Variants in ATP10A observed in about 807,000 individuals in gnomAD.
ATP10A encodes the protein ATPase phospholipid transporting 10A (putative).
ATP10A carries 111 observed loss-of-function variants against 147.8 expected under a neutral mutation model. The observed-to-expected ratio is 0.75, with a 90% CI of 0.64 to 0.88. ATP10A has a LOEUF of 0.88. Among genes scored for constraint, ATP10A ranks in the 40% least tolerant of loss-of-function variants. The pLI, the probability that ATP10A is intolerant of heterozygous loss-of-function variation, is 0.00. For synonymous variants in ATP10A, 875 were observed against 841.6 expected (o/e 1.04, Z -0.69); for missense variants, 1,927 against 1,959.0 (o/e 0.98, Z 0.31).
At chr15:25,677,672 G>A (rs1899166351), downstream of ATP10A, 1 of 152,368 alleles carries the variant, frequency 6.6e-6, no homozygotes, top group Non-Finnish European at 1.5e-5. Context: ...GCAGGGTTGG[G>A]ACGGCTGTCA....
downstream of ATP10A, chr15:25,677,139 C>T (rs1899154490): frequency 6.6e-6 from 1 of 151,972 alleles, no homozygotes; most frequent in Admixed American, 6.6e-5. Flanking sequence ...TATTTTGTTA[C>T]CAAGCCTCAG....
At position 25,862,682 on chromosome 15, in the gene ATP10A, T is replaced by C. The variant is rs574175286; in HGVS notation, c.415A>G (p.Lys139Glu). 3.7e-6 allele frequency: 6 copies of C among 1,601,570 alleles called. No homozygotes were observed. The highest frequency in any genetic ancestry group is 5.1e-6 in the Non-Finnish European group (6 of 1,171,914). ...ACCAGGCAGCCCAGGTGGTTGATCT[T>C]GTGGTCGGAGCGGTGGCGGCTGTAG... ...EDYSRHRSDH[K>E]INHLGCLVFS... Residue 139 changes from lysine (K) to glutamate (E), a missense_variant, in exon 1 of 21, where the codon AAG (lysine) becomes GAG (glutamate). Coordinates refer to ENST00000555815, the MANE Select transcript of ATP10A (RefSeq NM_024490.4).
chr15:25,720,545 T>G (rs1902149825), intron 7 of ATP10A, among the ~76,000 whole-genome samples: 1 of 151,850 alleles, frequency 6.6e-6, no homozygotes, highest in African/African-American at 2.4e-5. Context: ...TGTACCAGGT[T>G]TAGCAACTAT....
At chr15:25,809,713 G>A in intron 1 of ATP10A, among the ~76,000 whole-genome samples, 1 of 32,138 alleles carries the variant, frequency 3.1e-5, no homozygotes, top group Admixed American at 4.3e-4. Flanking sequence ...GGCTGGGAAG[G>A]CAGGAAGACA....
intron 1 of ATP10A, among the ~76,000 whole-genome samples, chr15:25,821,176 G>A (rs376665307): frequency 2.0e-5 from 3 of 152,180 alleles, no homozygotes; most frequent in African/African-American, 7.2e-5. Context: ...AAGACACGTG[G>A]ATCCTTTGAG....
chr15:25,759,257 G>T (rs2140621437), intron 2 of ATP10A, among the ~76,000 whole-genome samples: 1 of 152,250 alleles, frequency 6.6e-6, no homozygotes, highest in South Asian at 2.1e-4. Context: ...ATAACAAAAT[G>T]ATAAAGGGAA....
chr15:25,740,873 C>G lies in ATP10A; in HGVS notation c.655-4732G>C, dbSNP rs545547048. On this transcript the variant is annotated intron_variant, in intron 2 of 20. Transcript: ENST00000555815. The stretch of plus-strand genomic sequence containing the variant: ...AACAGCAAAGCTCTGCTCAGGGTCA[C>G]TGCGCTGACCTCCTCGGCTACCATC... 1.1e-4 allele frequency among the ~76,000 whole-genome samples: 17 copies of G among 152,346 alleles called. No individual in the cohort carries two copies. The South Asian group carries it at 3.3e-3, about 30-fold the overall frequency.
chr15:25,689,201 C>T (rs955302929), intron 15 of ATP10A, among the ~76,000 whole-genome samples: 2 of 152,246 alleles, frequency 1.3e-5, no homozygotes, highest in Non-Finnish European at 2.9e-5. Context: ...CAATGCTTGT[C>T]CTTCCGTCAA....
intron 2 of ATP10A, among the ~76,000 whole-genome samples, chr15:25,736,899 T>TATC (rs1887319366): frequency 1.3e-5 from 2 of 152,192 alleles, no homozygotes; most frequent in East Asian, 3.9e-4. Context: ...AAAACTGAAC[T>TATC]GTCTTTAATG....
intron 1 of ATP10A, among the ~76,000 whole-genome samples, chr15:25,784,453 A>C (rs1298067024): frequency 6.6e-6 from 1 of 152,184 alleles, no homozygotes; most frequent in Non-Finnish European, 1.5e-5. Flanking sequence ...CCCATCCAGG[A>C]GGCTTTTAAA....
chr15:25,726,207 A>C, intron 4 of ATP10A, 125 bp from the exon 5 acceptor site: 1 of 1,089,160 alleles, frequency 9.2e-7, no homozygotes, highest in South Asian at 1.9e-5. Flanking sequence ...CTTGGTCAAA[A>C]AAGCAGGGTT....
intron 2 of ATP10A, among the ~76,000 whole-genome samples, chr15:25,736,402 T>C (rs1451509742): frequency 6.6e-6 from 1 of 152,174 alleles, no homozygotes; most frequent in Non-Finnish European, 1.5e-5. Context: ...GCAGCTCTAT[T>C]GCAAAATGAG....
At chr15:25,759,235 A>G (rs889459047) in intron 2 of ATP10A, among the ~76,000 whole-genome samples, 3 of 152,216 alleles carry the variant, frequency 2.0e-5, no homozygotes, top group Non-Finnish European at 4.4e-5. Flanking sequence ...AACTTTATAT[A>G]TAACAATATA....
intron 2 of ATP10A, among the ~76,000 whole-genome samples, chr15:25,754,567 C>T (rs1888320822): frequency 6.6e-6 from 1 of 152,110 alleles, no homozygotes; most frequent in Non-Finnish European, 1.5e-5. Flanking sequence ...CCTTGGGTGC[C>T]TGGGTCAGAC....
intron 1 of ATP10A, among the ~76,000 whole-genome samples, chr15:25,808,226 T>TCA (rs2140807046): frequency 6.6e-6 from 1 of 152,318 alleles, no homozygotes; most frequent in South Asian, 2.1e-4. Context: ...CAAGGTCTCA[T>TCA]CATGGGTTTA....
At chr15:25,779,803 G>C (rs1297550110) in intron 2 of ATP10A, among the ~76,000 whole-genome samples, 2 of 151,244 alleles carry the variant, frequency 1.3e-5, no homozygotes. Flanking sequence ...AAAAAGATTT[G>C]AGGCAGCTCA....
At chr15:25,683,605 C>T (rs1304655200) in intron 16 of ATP10A, 119 bp from the exon 17 acceptor site, 19 of 974,444 alleles carry the variant, frequency 1.9e-5, no homozygotes, top group South Asian at 1.2e-4. Context: ...GTATTGGCAG[C>T]GATTTCTGCC....
At chr15:25,687,562 G>T (rs947210546) in intron 16 of ATP10A, 141 bp downstream of exon 16, 6 of 616,784 alleles carry the variant, frequency 9.7e-6, no homozygotes, top group African/African-American at 2.0e-5. Context: ...CAGGACAGGG[G>T]ACAATTACAC....
At chr15:25,764,030 T>C (rs1056006165) in intron 2 of ATP10A, among the ~76,000 whole-genome samples, 5 of 152,134 alleles carry the variant, frequency 3.3e-5, no homozygotes, top group African/African-American at 9.7e-5. Flanking sequence ...TATGCCTCAT[T>C]ATGTCCAGGT....
Sources: allele counts gnomAD v4.1 joint callset (sites outside exome capture counted in the v4.1 genomes callset), GRCh38; gene constraint gnomAD v4.1.1; transcripts MANE v1.5; gene names NCBI Gene and HGNC (gene_info 2026-07-23, HGNC 2026-07-21).